PCSK9: variants seen among roughly 807,000 people sequenced by gnomAD.
PCSK9 encodes the protein proprotein convertase subtilisin/kexin type 9, also known as convertase subtilisin/kexin type 9 preproprotein.
In PCSK9, 57 loss-of-function variants were observed where a neutral mutation model predicts 62.1. The observed-to-expected ratio is 0.92, with a 90% CI of 0.74 to 1.14. PCSK9 has a LOEUF of 1.14. PCSK9 is among the 50% of genes most tolerant of loss of function. The probability of loss-of-function intolerance (pLI) is 0.00; values close to 1 mark genes in which losing one functional copy is unlikely to be tolerated. For synonymous variants in PCSK9, 387 were observed against 409.4 expected (o/e 0.95, Z 0.66); for missense variants, 870 against 959.8 (o/e 0.91, Z 1.24).
intron 6 of PCSK9, 43 bp downstream of exon 6, chr1:55,056,232 G>T: frequency 1.7e-5 from 2 of 116,700 alleles, no homozygotes; most frequent in African/African-American, 1.4e-4. Context: ...GTAGGGGGCG[G>T]AGGGCGGAGG....
chr1:55,061,609 C>T, intron 11 of PCSK9, 53 bp downstream of exon 11: 1 of 1,548,268 alleles, frequency 6.5e-7, no homozygotes. Flanking sequence ...CTCTCCTGCA[C>T]AGCTTTTCTG....
Position 55,052,366 on chromosome 1 carries a change from C to T in PCSK9, c.612C>T (p.Asp204=), listed in dbSNP as rs776649189. 6.2e-7 allele frequency: 1 copy of T among 1,613,880 alleles called. No individual in the cohort carries two copies. The highest frequency in any genetic ancestry group is 1.3e-5 in the African/African-American group (1 of 74,890). Residue 204 remains aspartate (D), a synonymous_variant, in exon 4 of 12, where the codon GAC becomes GAT. Coordinates refer to ENST00000302118, the MANE Select transcript of PCSK9 (RefSeq NM_174936.4). ...REIEGRVMVT[D]FENVPEEDGT... is the part of the protein sequence containing the mutation. ...TCGAGGGCAGGGTCATGGTCACCGA[C>T]TTCGAGAATGTGCCCGAGGAGGACG...
chr1:55,049,574 C>T (rs1644658832), intron 3 of PCSK9, among the ~76,000 whole-genome samples: 2 of 152,202 alleles, frequency 1.3e-5, no homozygotes, highest in Admixed American at 6.5e-5. Flanking sequence ...CTGCCTCACC[C>T]GGGGGTTTGG....
intron 8 of PCSK9, 107 bp from the exon 9 acceptor site, chr1:55,058,392 G>A (rs1231214939): frequency 1.9e-6 from 3 of 1,564,834 alleles, no homozygotes; most frequent in African/African-American, 1.4e-5. Flanking sequence ...TATAGAGACA[G>A]TTGAGTATGT....
In PCSK9 at chr1:55,056,033, G is replaced by A. The variant is rs1349838585; in HGVS notation, c.840G>A (p.Val280=). The A allele has an allele frequency of 3.7e-6, 6 of 1,609,956 alleles. No homozygotes were observed. The highest frequency in any genetic ancestry group is 5.1e-6 in the Non-Finnish European group (6 of 1,177,482). Residue 280 remains valine, a synonymous_variant, in exon 6 of 12, where the codon GTG becomes GTA. Transcript: ENST00000302118. ...GGAAAAGCCAGCTGGTCCAGCCTGT[G>A]GGGCCACTGGTGGTGCTGCTGCCCC... The part of the protein sequence containing the change: ...FIRKSQLVQP[V]GPLVVLLPLA...
intron 3 of PCSK9, chr1:55,051,582 C>T (rs556109521): frequency 4.2e-6 from 1 of 236,226 alleles, no homozygotes; most frequent in South Asian, 5.1e-5. Context: ...GGCGACTCCC[C>T]CAGTGAGTCT....
At position 55,063,560 on chromosome 1, in the gene PCSK9, G is replaced by A. The variant is rs1490853919; in HGVS notation, c.2055G>A (p.Ala685=). The change falls in exon 12 of 12, where the codon GCG becomes GCA. Residue 685 remains alanine, a synonymous_variant. Coordinates refer to ENST00000302118, the MANE Select transcript of PCSK9 (RefSeq NM_174936.4). ...VAICCRSRHL[A]QASQELQ ...TCTGCTGCCGGAGCCGGCACCTGGCGCAGGCCTCCCAGGAGCTCCAGTGAC... is the reference window on the plus strand; with the variant it reads ...TCTGCTGCCGGAGCCGGCACCTGGCACAGGCCTCCCAGGAGCTCCAGTGAC... The A allele has an allele frequency of 3.7e-6, 6 of 1,612,574 alleles. No homozygotes were observed. Among genetic ancestry groups the A allele is most frequent in the South Asian group, 1.1e-5 (1 of 90,982 alleles).
Position 55,040,153 on chromosome 1 carries a change from A to C in PCSK9, c.207+109A>C. On this transcript the variant is annotated intron_variant, in intron 1 of 11. Coordinates refer to ENST00000302118, the MANE Select transcript of PCSK9 (RefSeq NM_174936.4). The surrounding 1 kb of genome is among the most constrained non-coding windows in gnomAD (Gnocchi z 4.1). Reference sequence around the variant, plus strand: ...CCATGTAAGAGAGGAAGTGGAGTGCAGGTCGCCGAGGGCTCTTCGCTTGGC... The same window carrying C: ...CCATGTAAGAGAGGAAGTGGAGTGCCGGTCGCCGAGGGCTCTTCGCTTGGC... 7.2e-7 allele frequency: 1 copy of C among 1,379,684 alleles called. No homozygotes were observed. The highest frequency in any genetic ancestry group is 2.5e-5 in the East Asian group (1 of 39,748). 85.5% of individuals were successfully genotyped at this position (1,379,684 alleles called of 1,614,324 possible).
chr1:55,055,985 C>T lies in PCSK9; in HGVS notation c.800-8C>T. 1.2e-6 allele frequency: 2 copies of T among 1,604,754 alleles called. No homozygotes were observed. Among genetic ancestry groups the T allele is most frequent in the East Asian group, 2.3e-5 (1 of 44,326 alleles). The stretch of plus-strand genomic sequence containing the variant: ...CCCAAGGGGTGACCTTGGCTTTGTT[C>T]CTCCCAGGCCTGGAGTTTATTCGGA... On this transcript the variant is annotated splice_region_variant and splice_polypyrimidine_tract_variant and intron_variant, in intron 5 of 11. Coordinates refer to ENST00000302118, the MANE Select transcript of PCSK9 (RefSeq NM_174936.4).
intron 3 of PCSK9, among the ~76,000 whole-genome samples, chr1:55,050,582 G>C (rs932039856): frequency 3.3e-5 from 5 of 152,224 alleles, no homozygotes; most frequent in Non-Finnish European, 5.9e-5. Flanking sequence ...AGTGCCCACG[G>C]GACTGATCAG....
rs976635604 is a variant in PCSK9, at chr1:55,040,462, C to A, written c.207+418C>A. On this transcript the variant is annotated intron_variant, in intron 1 of 11. Transcript: ENST00000302118. This position sits in a 1 kb window ranked among gnomAD's most constrained non-coding sequence, Gnocchi z 4.1. Reference sequence around the variant, plus strand: ...GGAACTGCACCAGGCACAGAGAAAGCGGGCTTGCCATTATAGTGGGTTCCG... The same window carrying A: ...GGAACTGCACCAGGCACAGAGAAAGAGGGCTTGCCATTATAGTGGGTTCCG... Among the ~76,000 whole-genome samples the A allele has an allele frequency of 7.2e-5, 11 of 152,074 alleles. No individual in the cohort carries two copies. The highest frequency in any genetic ancestry group is 1.5e-4 in the Non-Finnish European group (10 of 68,016).
rs2100330525 is a variant in PCSK9 at position 55,059,537 on chromosome 1, G to A, written c.1555G>A (p.Gly519Ser). The A allele has an allele frequency of 6.4e-7, 1 of 1,562,832 alleles. No homozygotes were observed. The highest frequency in any genetic ancestry group is 1.9e-5 in the Admixed American group (1 of 51,936). Residue 519 changes from glycine (G) to serine (S), a missense_variant, in exon 10 of 12, where the codon GGT (glycine) becomes AGT (serine). Transcript: ENST00000302118. ...CRAHNAFGGEGVYAIARCCLL... is the reference protein window; with the variant it reads ...CRAHNAFGGESVYAIARCCLL... ...GGCCCACAACGCTTTTGGGGGTGAG[G>A]GTGTCTACGCCATTGCCAGGTGCTG...
intron 3 of PCSK9, among the ~76,000 whole-genome samples, chr1:55,048,938 A>T (rs676297): frequency 0.15 from 22,408 of 152,282 alleles, 2,077 homozygotes; most frequent in Middle Eastern, 0.23. Flanking sequence ...TTGAGCACCC[A>T]CTGTGCGCCA....
chr1:55,058,345 T>C, intron 8 of PCSK9, 136 bp downstream of exon 8: 1 of 1,491,928 alleles, frequency 6.7e-7, no homozygotes, highest in Non-Finnish European at 9.2e-7. Flanking sequence ...AGAATGGGGC[T>C]CTGAAAGGGC....
intron 2 of PCSK9, among the ~76,000 whole-genome samples, chr1:55,044,669 G>A (rs927874425): frequency 3.3e-5 from 5 of 152,204 alleles, no homozygotes; most frequent in Admixed American, 2.6e-4. Flanking sequence ...CTTGATGAGA[G>A]CGTGTGTCAT....
At position 55,059,538 on chromosome 1, in the gene PCSK9, G is replaced by T; in HGVS notation, c.1556G>T (p.Gly519Val). Residue 519 changes from glycine (G) to valine (V), a missense_variant, in exon 10 of 12, where the codon GGT becomes GTT. Gly to Val is a moderately radical substitution (Grantham distance 109, BLOSUM62 -3). Transcript: ENST00000302118. ...CRAHNAFGGE[G>V]VYAIARCCLL... Reference sequence around the variant, plus strand: ...GCCCACAACGCTTTTGGGGGTGAGGGTGTCTACGCCATTGCCAGGTGCTGC... The same window carrying T: ...GCCCACAACGCTTTTGGGGGTGAGGTTGTCTACGCCATTGCCAGGTGCTGC... The T allele has an allele frequency of 6.4e-7, 1 of 1,562,546 alleles. No homozygotes were observed. Among genetic ancestry groups the T allele is most frequent in the Non-Finnish European group, 8.7e-7 (1 of 1,152,260 alleles).
At position 55,042,003 on chromosome 1, in the gene PCSK9, A is replaced by G. The variant is rs565820151; in HGVS notation, c.208-1840A>G. On this transcript the variant is annotated intron_variant, in intron 1 of 11. Coordinates refer to ENST00000302118, the MANE Select transcript of PCSK9 (RefSeq NM_174936.4). ...CTCTTGTTGCCCAGGCTGGAGTGCAATGGTGCAGTCTCAGCTCACTGCAAC... is the reference window on the plus strand; with the variant it reads ...CTCTTGTTGCCCAGGCTGGAGTGCAGTGGTGCAGTCTCAGCTCACTGCAAC... 5.3e-5 allele frequency among the ~76,000 whole-genome samples: 8 copies of G among 152,146 alleles called. No homozygotes were observed. In the East Asian group the frequency reaches 1.4e-3, roughly 26 times the overall value.
intron 2 of PCSK9, among the ~76,000 whole-genome samples, chr1:55,044,423 A>G (rs1249631255): frequency 6.6e-6 from 1 of 152,118 alleles, no homozygotes; most frequent in Non-Finnish European, 1.5e-5. Flanking sequence ...GTCATTTTAT[A>G]AAAAAGCATG....
chr1:55,056,874 C>T (rs932998499), intron 6 of PCSK9, among the ~76,000 whole-genome samples: 2 of 152,092 alleles, frequency 1.3e-5, no homozygotes, highest in East Asian at 1.9e-4. Flanking sequence ...TGCGTGCGCG[C>T]GCGCGCGTTG....
Sources: gnomAD v4.1 joint callset for allele counts (sites outside exome capture counted in the v4.1 genomes callset) on GRCh38, gnomAD v4.1.1 for gene constraint, Gnocchi (gnomAD v3.1) non-coding constraint, MANE v1.5 for transcripts, NCBI Gene and HGNC (gene_info 2026-07-23, HGNC 2026-07-21) for gene names.